The following RPL13A variants were observed in gnomAD, a reference collection of about 807,000 sequenced individuals.
RPL13A encodes the protein large ribosomal subunit protein uL13.
RPL13A carries 4 observed loss-of-function variants against 30.8 expected under a neutral mutation model. The ratio of observed to expected loss-of-function variants is 0.13; its 90% CI spans 0.06 to 0.30. The LOEUF is 0.30. Among genes scored for constraint, RPL13A ranks in the 10% least tolerant of loss-of-function variants. The pLI is 1.00. For missense variants in RPL13A, 196 were observed against 272.6 expected (o/e 0.72, Z 1.98); for synonymous variants, 108 against 104.2 (o/e 1.04, Z -0.22).
chr19:49,489,371 C>T lies in RPL13A; in HGVS notation c.16-479C>T, dbSNP rs926779388. Among the ~76,000 whole-genome samples, 194 of 151,990 alleles carry T rather than the reference C, an allele frequency of 1.3e-3. 1 individual carries two copies. Among genetic ancestry groups the T allele is most frequent in the African/African-American group, 4.4e-3 (184 of 41,476 alleles). ...CAAAAATTAGCTGCGTGTGGTGGTG[C>T]GCGCCTGTAGTCCCAGCTACTCATG... On this transcript the variant is annotated intron_variant, in intron 1 of 7. Coordinates refer to ENST00000391857, the MANE Select transcript of RPL13A (RefSeq NM_012423.4).
At chr19:49,490,009 A>G in intron 2 of RPL13A, 87 bp downstream of exon 2, 2 of 1,193,278 alleles carry the variant, frequency 1.7e-6, no homozygotes, top group Non-Finnish European at 2.5e-6. Flanking sequence ...TTTGAGTCTC[A>G]CGGCCATGAG....
intron 1 of RPL13A, among the ~76,000 whole-genome samples, chr19:49,488,106 G>A (rs1299291595): frequency 1.3e-5 from 2 of 152,210 alleles, no homozygotes; most frequent in Non-Finnish European, 2.9e-5. Flanking sequence ...TCACGTGGAG[G>A]TGTTAATCGG....
rs750851362 is a variant in RPL13A, at chr19:49,490,816, T to C, written c.294T>C (p.Ala98=). The change falls in exon 5 of 8, where the codon GCT becomes GCC. Residue 98 remains alanine, a synonymous_variant. Coordinates refer to ENST00000391857, the MANE Select transcript of RPL13A (RefSeq NM_012423.4). ...LPHKTKRGQA[A]LDRLKVFDGI... ...ACAAAACCAAGCGAGGCCAGGCCGC[T>C]CTGGACCGTCTCAAGGTGTTTGACG... is the stretch of plus-strand genomic sequence containing the variant. 27 of 1,613,976 alleles carry C rather than the reference T, an allele frequency of 1.7e-5. No individual in the cohort carries two copies. Among genetic ancestry groups the C allele is most frequent in the South Asian group, 5.5e-5 (5 of 91,096 alleles).
chr19:49,489,869 G>C lies in RPL13A; in HGVS notation c.35G>C (p.Arg12Pro). 5.0e-6 allele frequency: 8 copies of C among 1,614,074 alleles called. No individual in the cohort carries two copies. Among genetic ancestry groups the C allele is most frequent in the Non-Finnish European group, 6.8e-6 (8 of 1,179,880 alleles). ...AEVQVLVLDG[R>P]GHLLGRLAAI... ...CCACAGGTCCTGGTGCTTGATGGTC[G>C]AGGCCATCTCCTGGGCCGCCTGGCG... Residue 12 changes from arginine (R) to proline (P), a missense_variant, in exon 2 of 8, where the codon CGA (arginine) becomes CCA (proline). Arg to Pro is a moderately radical substitution (Grantham distance 103, BLOSUM62 -2). Coordinates refer to ENST00000391857, the MANE Select transcript of RPL13A (RefSeq NM_012423.4).
intron 2 of RPL13A, 143 bp from the exon 3 acceptor site, chr19:49,490,067 GGTTGGGGACTCCAGGCTCAAGA>G (rs759701013): frequency 6.0e-6 from 6 of 1,001,546 alleles, no homozygotes; most frequent in Non-Finnish European, 9.6e-6. Context: ...TCTTCCCCAG[GGTTGGGGACTCCAGGCTCAAGA>G]AGTAATTATG....
rs201767402 is a variant in RPL13A at position 49,491,523 on chromosome 19, C to T, written c.501C>T (p.His167=). The change falls in exon 7 of 8, where the codon CAC becomes CAT. Residue 167 remains histidine, a synonymous_variant. Coordinates refer to ENST00000391857, the MANE Select transcript of RPL13A (RefSeq NM_012423.4). ...AGAGGAAAGAGAAAGCCAAGATCCA[C>T]TACCGGAAGAAGAAACAGCTCATGG... The part of the protein sequence containing the change: ...EEKRKEKAKI[H]YRKKKQLMRL... 224 of 1,506,028 alleles carry T rather than the reference C, an allele frequency of 1.5e-4. No homozygotes were observed. Among genetic ancestry groups the T allele is most frequent in the Non-Finnish European group, 1.9e-4 (219 of 1,126,092 alleles). 93.3% of individuals were successfully genotyped at this position (1,506,028 alleles called of 1,614,324 possible).
At chr19:49,490,964 C>T (rs1212875003) in intron 5 of RPL13A, 76 bp from the exon 6 acceptor site, 5 of 1,605,306 alleles carry the variant, frequency 3.1e-6, no homozygotes, top group Middle Eastern at 1.6e-4. Context: ...GCAGCACTGG[C>T]TGAGACGCCA....
At chr19:49,489,975 A>C (rs2079848362) in intron 2 of RPL13A, 53 bp downstream of exon 2, 1 of 1,363,178 alleles carries the variant, frequency 7.3e-7, no homozygotes, top group African/African-American at 1.4e-5. Context: ...GAGGTCAGTG[A>C]TGAGCAACAT....
At position 49,491,074 on chromosome 19, in the gene RPL13A, T is replaced by G; in HGVS notation, c.377T>G (p.Val126Gly). Residue 126 changes from valine to glycine, a missense_variant, in exon 6 of 8, where the codon GTC becomes GGC. Transcript: ENST00000391857. Reference sequence around the variant, plus strand: ...ATGGTGGTTCCTGCTGCCCTCAAGGTCGTGCGTCTGAAGCCTACAAGAAAG... The same window carrying G: ...ATGGTGGTTCCTGCTGCCCTCAAGGGCGTGCGTCTGAAGCCTACAAGAAAG... ...KRMVVPAALK[V>G]VRLKPTRKFA... 6.2e-7 allele frequency: 1 copy of G among 1,614,214 alleles called. No homozygotes were observed. The highest frequency in any genetic ancestry group is 1.3e-5 in the African/African-American group (1 of 75,076).
intron 5 of RPL13A, 53 bp downstream of exon 5, chr19:49,490,917 G>A (rs2079860658): frequency 6.2e-7 from 1 of 1,607,578 alleles, no homozygotes; most frequent in African/African-American, 1.3e-5. Context: ...CGTCCATGAT[G>A]TTCCGCAACT....
At chr19:49,490,899 A>T in intron 5 of RPL13A, 35 bp downstream of exon 5, 1 of 1,609,974 alleles carries the variant, frequency 6.2e-7, no homozygotes, top group East Asian at 2.2e-5. Flanking sequence ...CAGCGGCCTT[A>T]CCTGTGGCGT....
rs748040064 is a variant in RPL13A at position 49,490,774 on chromosome 19, A to G, written c.257-5A>G. 12 of 1,614,046 alleles carry G rather than the reference A, an allele frequency of 7.4e-6. No individual in the cohort carries two copies. The highest frequency in any genetic ancestry group is 1.0e-5 in the Non-Finnish European group (12 of 1,180,038). On this transcript the variant is annotated splice_polypyrimidine_tract_variant and splice_region_variant and intron_variant, in intron 4 of 7. Coordinates refer to ENST00000391857, the MANE Select transcript of RPL13A (RefSeq NM_012423.4). ...TGACTGGGCCTGCTATCTGTCACCC[A>G]ACAGGTATGCTGCCCCACAAAACCA...
chr19:49,488,815 C>T (rs1173906898), intron 1 of RPL13A, among the ~76,000 whole-genome samples: 8 of 152,216 alleles, frequency 5.3e-5, no homozygotes, highest in Non-Finnish European at 1.2e-4. Context: ...AAGTGATTCT[C>T]CTGCCTCAGC....
rs71180637 is a variant in RPL13A, at chr19:49,491,402, ACCCCCCCCCCC to A, written c.403-15_403-5del. ...GATATCCTTACAACTTCATTTGTTC[ACCCCCCCCCCC>A]CCCCCCCGCAGTTTGCCTATCTGGG... On this transcript the variant is annotated splice_polypyrimidine_tract_variant and intron_variant, in intron 6 of 7. Coordinates refer to ENST00000391857, the MANE Select transcript of RPL13A (RefSeq NM_012423.4). The A allele has an allele frequency of 2.2e-4, 51 of 237,192 alleles. 1 individual carries two copies. Among genetic ancestry groups the A allele is most frequent in the Middle Eastern group, 2.0e-3 (2 of 1,006 alleles). The allele number at this position is 237,192 out of a possible 1,614,324, so 14.7% of individuals were successfully genotyped here.
chr19:49,491,404 C>CCA, intron 6 of RPL13A, 21 bp from the exon 7 acceptor site: 2 of 132,616 alleles, frequency 1.5e-5, no homozygotes, highest in South Asian at 9.3e-5. Flanking sequence ...ATTTGTTCAC[C>CCA]CCCCCCCCCC....
rs1049545125 is a variant in RPL13A at position 49,491,646 on chromosome 19, C to T, written c.526-83C>T. 88 of 1,571,520 alleles carry T rather than the reference C, an allele frequency of 5.6e-5. No individual in the cohort carries two copies. The African/African-American group carries it at 8.1e-4, about 14-fold the overall frequency. On this transcript the variant is annotated intron_variant, in intron 7 of 7. Coordinates refer to ENST00000391857, the MANE Select transcript of RPL13A (RefSeq NM_012423.4). ...TACTCTTAACTGGCAAAGGACCAGC[C>T]GGGGTTGGGGTGGGATGCAGTCCAT...
intron 6 of RPL13A, 104 bp from the exon 7 acceptor site, chr19:49,491,321 C>A: frequency 8.2e-7 from 1 of 1,226,910 alleles, no homozygotes; most frequent in Non-Finnish European, 1.2e-6. Flanking sequence ...ATATGCCCAG[C>A]TGTCAGTCAC....
chr19:49,491,908 G>C lies in RPL13A; in HGVS notation c.*93G>C. 2.0e-6 allele frequency: 2 copies of C among 982,602 alleles called. No homozygotes were observed. Among genetic ancestry groups the C allele is most frequent in the Non-Finnish European group, 3.1e-6 (2 of 642,436 alleles). The allele number at this position is 982,602 out of a possible 1,614,324, so 60.9% of individuals were successfully genotyped here. On this transcript the variant is annotated 3_prime_UTR_variant, in exon 8 of 8. Coordinates refer to ENST00000391857, the MANE Select transcript of RPL13A (RefSeq NM_012423.4). ...GGGACCCAGGGGCAGCAGCAGTCCA[G>C]GTGCCACAGGCAGCCCTGGGACATA... is the stretch of plus-strand genomic sequence containing the variant.
Position 49,490,769 on chromosome 19 carries a change from C to A in RPL13A, c.257-10C>A. 1 of 1,614,138 alleles carries A rather than the reference C, an allele frequency of 6.2e-7. No homozygotes were observed. Among genetic ancestry groups the A allele is most frequent in the South Asian group, 1.1e-5 (1 of 91,066 alleles). On this transcript the variant is annotated splice_polypyrimidine_tract_variant and intron_variant, in intron 4 of 7. Transcript: ENST00000391857. Reference sequence around the variant, plus strand: ...CCCTCTGACTGGGCCTGCTATCTGTCACCCAACAGGTATGCTGCCCCACAA... The same window carrying A: ...CCCTCTGACTGGGCCTGCTATCTGTAACCCAACAGGTATGCTGCCCCACAA...
Sources: allele counts gnomAD v4.1 joint callset (sites outside exome capture counted in the v4.1 genomes callset), GRCh38; gene constraint gnomAD v4.1.1; transcripts MANE v1.5; gene names NCBI Gene and HGNC (gene_info 2026-07-23, HGNC 2026-07-21).